Variants in USP32 observed in about 807,000 individuals in gnomAD.
USP32 encodes the protein ubiquitin specific peptidase 32.
USP32 carries 59 observed loss-of-function variants against 204.8 expected under a neutral mutation model. The ratio of observed to expected loss-of-function variants is 0.29; its 90% confidence interval spans 0.23 to 0.36. The LOEUF is 0.36. Among genes scored for constraint, USP32 ranks in the 10% least tolerant of loss-of-function variants. The pLI, the probability that USP32 is intolerant of heterozygous loss-of-function variation, is 1.00. For missense variants in USP32, 1,160 were observed against 1,946.4 expected, an observed-to-expected ratio of 0.60 and a Z score of 7.60; for synonymous variants, 517 against 678.4, an observed-to-expected ratio of 0.76 and a Z score of 3.70.
At chr17:60,357,548 T>C (rs1567872340) in intron 1 of USP32, among the ~76,000 whole-genome samples, 1 of 152,142 alleles carries the variant, frequency 6.6e-6, no homozygotes, top group Non-Finnish European at 1.5e-5. Context: ...AATATATATA[T>C]GTAGATATAT....
chr17:60,290,278 T>A (rs1169293151), intron 4 of USP32, among the ~76,000 whole-genome samples: 1 of 152,232 alleles, frequency 6.6e-6, no homozygotes, highest in Non-Finnish European at 1.5e-5. Context: ...CTCCCATTTT[T>A]AGAAAACTCC....
intron 5 of USP32, among the ~76,000 whole-genome samples, chr17:60,279,450 A>G (rs563271096): frequency 2.7e-4 from 40 of 149,614 alleles, no homozygotes; most frequent in Non-Finnish European, 4.9e-4. Flanking sequence ...GTACCACTGC[A>G]CTCCTGCCTG....
chr17:60,270,380 G>C (rs934224553), intron 6 of USP32, among the ~76,000 whole-genome samples: 2 of 152,128 alleles, frequency 1.3e-5, no homozygotes, highest in African/African-American at 2.4e-5. Flanking sequence ...TCAGTTTAGG[G>C]ATTAGAAAAC....
At chr17:60,388,025 C>T (rs1405352489) in intron 1 of USP32, among the ~76,000 whole-genome samples, 1 of 152,098 alleles carries the variant, frequency 6.6e-6, no homozygotes, top group Non-Finnish European at 1.5e-5. Flanking sequence ...CTATATGATC[C>T]TAGAGAGAGG....
intron 3 of USP32, among the ~76,000 whole-genome samples, chr17:60,300,521 A>C (rs985480244): frequency 2.0e-5 from 3 of 152,144 alleles, no homozygotes; most frequent in African/African-American, 7.2e-5. Context: ...TAATTCACCT[A>C]ATAAAATTAA....
At chr17:60,323,250 T>C (rs917543582) in intron 2 of USP32, among the ~76,000 whole-genome samples, 3 of 149,776 alleles carry the variant, frequency 2.0e-5, no homozygotes, top group Admixed American at 6.6e-5. Flanking sequence ...AAATATTCAT[T>C]AACTGATGAA....
At chr17:60,282,411 T>C (rs972379867) in intron 5 of USP32, among the ~76,000 whole-genome samples, 3 of 152,122 alleles carry the variant, frequency 2.0e-5, no homozygotes, top group African/African-American at 7.2e-5. Flanking sequence ...TGGAGTGCAG[T>C]GGTGCAATCT....
In USP32 at chr17:60,259,346, G is replaced by A. The variant is rs919633692; in HGVS notation, c.991-4088C>T. Among the ~76,000 whole-genome samples, 3 of 152,064 alleles carry A rather than the reference G, an allele frequency of 2.0e-5. No homozygotes were observed. In the South Asian group the frequency reaches 6.2e-4, roughly 32 times the overall value. On this transcript the variant is annotated intron_variant, in intron 9 of 33. Transcript: ENST00000300896. The stretch of plus-strand genomic sequence containing the variant: ...TATAGCATATATGCCCTTTTTGTTT[G>A]TATTGTAAACAATTCACGTAACAAT...
At chr17:60,342,072 C>A (rs1456444677) in intron 2 of USP32, among the ~76,000 whole-genome samples, 2 of 152,124 alleles carry the variant, frequency 1.3e-5, no homozygotes, top group Admixed American at 6.5e-5. Flanking sequence ...ATGTTGGTGA[C>A]CCCCAGATGG....
intron 1 of USP32, chr17:60,421,360 G>A (rs1284947216): frequency 1.0e-6 from 1 of 985,318 alleles, no homozygotes; most frequent in Non-Finnish European, 1.2e-6. Context: ...CCGGGCCTCC[G>A]GGCTACCCCT....
chr17:60,182,400 C>A (rs2084133886), intron 31 of USP32, among the ~76,000 whole-genome samples: 1 of 152,320 alleles, frequency 6.6e-6, no homozygotes, highest in East Asian at 1.9e-4. Flanking sequence ...GTCATGTTAT[C>A]TCTCACACCA....
At chr17:60,255,351 G>A in intron 9 of USP32, 93 bp from the exon 10 acceptor site, 9 of 937,830 alleles carry the variant, frequency 9.6e-6, no homozygotes, top group Non-Finnish European at 1.4e-5. Context: ...GGGCTGGAGT[G>A]CAATGGCACG....
intron 2 of USP32, among the ~76,000 whole-genome samples, chr17:60,307,520 C>T (rs914335887): frequency 6.6e-6 from 1 of 152,190 alleles, no homozygotes; most frequent in East Asian, 1.9e-4. Context: ...CTAAAACATA[C>T]ATGGAACCTC....
Position 60,380,760 on chromosome 17 carries a change from C to T in USP32, c.58+11122G>A, listed in dbSNP as rs558631238. ...CTTTCCAATGTACCCTATTCATACC[C>T]ACTACTCATTTGCTATTTGAGAGAA... On this transcript the variant is annotated intron_variant, in intron 1 of 33. Coordinates refer to ENST00000300896, the MANE Select transcript of USP32 (RefSeq NM_032582.4). 1.3e-3 allele frequency among the ~76,000 whole-genome samples: 201 copies of T among 152,238 alleles called. 1 individual carries two copies. The highest frequency in any genetic ancestry group is 4.5e-3 in the African/African-American group (187 of 41,534).
At chr17:60,339,251 A>C (rs780151480) in intron 2 of USP32, among the ~76,000 whole-genome samples, 2 of 152,066 alleles carry the variant, frequency 1.3e-5, no homozygotes, top group African/African-American at 2.4e-5. Context: ...ATCTATCCTC[A>C]AAACAGTATG....
At chr17:60,180,720 A>C (rs1199138436) in intron 32 of USP32, 83 bp from the exon 33 acceptor site, 1 of 1,330,058 alleles carries the variant, frequency 7.5e-7, no homozygotes, top group Non-Finnish European at 1.1e-6. Context: ...GAGCAGGAGA[A>C]CACTGATCAT....
intron 1 of USP32, among the ~76,000 whole-genome samples, chr17:60,388,114 G>T (rs1312783662): frequency 6.6e-6 from 1 of 151,906 alleles, no homozygotes; most frequent in Non-Finnish European, 1.5e-5. Context: ...TGAGCAAAAG[G>T]ACATTTTAAA....
At chr17:60,279,544 A>G (rs1224694229) in intron 5 of USP32, among the ~76,000 whole-genome samples, 1 of 151,650 alleles carries the variant, frequency 6.6e-6, no homozygotes, top group East Asian at 1.9e-4. Flanking sequence ...TAAAATCTGA[A>G]GTATTTAAAT....
intron 5 of USP32, among the ~76,000 whole-genome samples, chr17:60,280,639 T>C (rs553049045): frequency 1.3e-5 from 2 of 152,348 alleles, no homozygotes; most frequent in South Asian, 4.1e-4. Context: ...CCTTGGCTCA[T>C]TACACAAATT....
Sources: gnomAD v4.1 joint callset for allele counts (sites outside exome capture counted in the v4.1 genomes callset) on GRCh38, gnomAD v4.1.1 for gene constraint, MANE v1.5 for transcripts, NCBI Gene and HGNC (gene_info 2026-07-23, HGNC 2026-07-21) for gene names.